Variants in FAM184B observed in about 807,000 individuals in gnomAD.
FAM184B encodes protein FAM184B.
FAM184B carries 111 observed loss-of-function variants against 135.9 expected under a neutral mutation model. The ratio of observed to expected loss-of-function variants is 0.82; its 90% CI spans 0.70 to 0.96. The LOEUF (loss-of-function observed/expected upper bound fraction) is 0.96, where lower values mean the gene tolerates loss of function less well. Ranked by LOEUF, FAM184B falls within the 40% of genes least tolerant of loss-of-function variation. The probability of loss-of-function intolerance (pLI) is 0.00; values close to 1 mark genes in which losing one functional copy is unlikely to be tolerated. For synonymous variants in FAM184B, 552 were observed against 524.8 expected (o/e 1.05, Z -0.71); for missense variants, 1,375 against 1,323.9 (o/e 1.04, Z -0.60).
chr4:17,741,460 G>A (rs1342276980), intron 1 of FAM184B, among the ~76,000 whole-genome samples: 1 of 152,132 alleles, frequency 6.6e-6, no homozygotes, highest in Non-Finnish European at 1.5e-5. Context: ...TTGGGAGGCC[G>A]AGGCAGGTGG....
In FAM184B at chr4:17,781,594, A is replaced by T. The variant is rs1445376662; in HGVS notation, c.-295T>A. 4 of 362,148 alleles carry T rather than the reference A, an allele frequency of 1.1e-5. No homozygotes were observed. Among genetic ancestry groups the T allele is most frequent in the Non-Finnish European group, 2.0e-5 (4 of 201,368 alleles). 22.4% of individuals were successfully genotyped at this position (362,148 alleles called of 1,614,324 possible). ...CACGTGCCGCTGGCGATCAGTCTGC[A>T]GTTCCCCAGCCAGTGCAGGTTTCGT... On this transcript the variant is annotated 5_prime_UTR_variant, in exon 1 of 18. Transcript: ENST00000265018. The surrounding 1 kb of genome is among the most constrained non-coding windows in gnomAD (Gnocchi z 6.5).
At chr4:17,664,730 C>T (rs983670138) in intron 7 of FAM184B, 71 bp from the exon 8 acceptor site, 2 of 1,273,894 alleles carry the variant, frequency 1.6e-6, no homozygotes, top group Non-Finnish European at 2.2e-6. Context: ...CATGATTCAA[C>T]CTGTGGCTTA....
At chr4:17,639,446 C>G (rs777579561) in intron 13 of FAM184B, 50 bp from the exon 14 acceptor site, 33 of 1,542,544 alleles carry the variant, frequency 2.1e-5, no homozygotes, top group African/African-American at 4.1e-5. Context: ...AGGGATGGCA[C>G]CCCTTGGGCT....
intron 1 of FAM184B, among the ~76,000 whole-genome samples, chr4:17,766,393 T>C (rs192225556): frequency 4.3e-4 from 66 of 152,278 alleles, no homozygotes; most frequent in African/African-American, 1.5e-3. Flanking sequence ...TGCTGATTGG[T>C]GTATTTATAA....
rs189172913 is a variant in FAM184B at position 17,748,494 on chromosome 4, C to T, written c.141+32665G>A. 2.3e-4 allele frequency among the ~76,000 whole-genome samples: 34 copies of T among 145,052 alleles called. No individual in the cohort carries two copies. The East Asian group carries it at 6.4e-3, about 27-fold the overall frequency. On this transcript the variant is annotated intron_variant, in intron 1 of 17. Coordinates refer to ENST00000265018, the MANE Select transcript of FAM184B (RefSeq NM_015688.2). ...ACATGACTTTGTCCCTTACTTTAATCCTCTTGTGTAATTTTTTTTTTTTTT... is the reference window on the plus strand; with the variant it reads ...ACATGACTTTGTCCCTTACTTTAATTCTCTTGTGTAATTTTTTTTTTTTTT...
intron 1 of FAM184B, among the ~76,000 whole-genome samples, chr4:17,729,438 G>C (rs1249996907): frequency 6.6e-6 from 1 of 152,232 alleles, no homozygotes; most frequent in African/African-American, 2.4e-5. Flanking sequence ...CTGAGAACGG[G>C]CAGACTGCCT....
intron 1 of FAM184B, among the ~76,000 whole-genome samples, chr4:17,765,957 T>C (rs1016972452): frequency 6.6e-6 from 1 of 152,104 alleles, no homozygotes; most frequent in Non-Finnish European, 1.5e-5. Flanking sequence ...ACTCCTTCCT[T>C]CTGTCCGGGG....
At chr4:17,747,440 G>A (rs1009971696) in intron 1 of FAM184B, among the ~76,000 whole-genome samples, 3 of 152,070 alleles carry the variant, frequency 2.0e-5, no homozygotes, top group African/African-American at 7.2e-5. Flanking sequence ...GTAGAGGTTG[G>A]TACTTCCGAA....
rs55801096 is a variant in FAM184B, at chr4:17,740,351, C to CAAAA, written c.142-30711_142-30708dup. On this transcript the variant is annotated intron_variant, in intron 1 of 17. Coordinates refer to ENST00000265018, the MANE Select transcript of FAM184B (RefSeq NM_015688.2). ...TGGGCGACAGAGTAAGACCCTGTCTCAAAAAAAAAAAAAAAAAAAAAAGTC... is the reference window on the plus strand; with the variant it reads ...TGGGCGACAGAGTAAGACCCTGTCTCAAAAAAAAAAAAAAAAAAAAAAAAAAGTC... Among the ~76,000 whole-genome samples, 298 of 84,416 alleles carry CAAAA rather than the reference C, an allele frequency of 3.5e-3. 11 individuals carry two copies. The highest frequency in any genetic ancestry group is 0.013 in the African/African-American group (267 of 19,798). The allele number at this position is 84,416 out of a possible 152,430, so 55.4% of individuals were successfully genotyped here. A position where few individuals can be genotyped will look rare whatever the true frequency, so the allele number is the denominator to read the frequency against.
intron 5 of FAM184B, among the ~76,000 whole-genome samples, chr4:17,703,736 A>C (rs1014654465): frequency 2.0e-5 from 3 of 151,966 alleles, no homozygotes; most frequent in Admixed American, 2.0e-4. Flanking sequence ...ATCTAGACCA[A>C]CCTGGCCAAC....
intron 7 of FAM184B, among the ~76,000 whole-genome samples, chr4:17,674,692 C>G (rs1008682829): frequency 2.0e-5 from 3 of 152,192 alleles, no homozygotes; most frequent in African/African-American, 7.2e-5. Context: ...TGTCACTGAT[C>G]TATTAACTAA....
chr4:17,673,257 TA>T, intron 7 of FAM184B, among the ~76,000 whole-genome samples: 1 of 151,816 alleles, frequency 6.6e-6, no homozygotes, highest in Middle Eastern at 3.4e-3. Flanking sequence ...GAATGGCCAT[TA>T]AAAAAATAGA....
chr4:17,748,103 GAAA>G (rs58795222), intron 1 of FAM184B, among the ~76,000 whole-genome samples: 1 of 70,320 alleles, frequency 1.4e-5, no homozygotes, highest in Non-Finnish European at 2.5e-5. Context: ...GACTCCGTCT[GAAA>G]AAAAAAAAAA....
intron 1 of FAM184B, among the ~76,000 whole-genome samples, chr4:17,717,038 T>C (rs1450046070): frequency 6.6e-6 from 1 of 152,152 alleles, no homozygotes; most frequent in Non-Finnish European, 1.5e-5. Context: ...CTAGATCTTC[T>C]GACTTCAGGT....
chr4:17,690,017 G>A (rs13119927), intron 6 of FAM184B, among the ~76,000 whole-genome samples: 54,272 of 151,564 alleles, frequency 0.36, 9,959 homozygotes, highest in South Asian at 0.43. Context: ...GCCTGTTGGT[G>A]CGTGCCTGTA....
intron 1 of FAM184B, among the ~76,000 whole-genome samples, chr4:17,740,834 C>T (rs979713796): frequency 1.3e-5 from 2 of 152,146 alleles, no homozygotes; most frequent in African/African-American, 4.8e-5. Context: ...TTTCTTTTTC[C>T]ATCACAACAG....
intron 1 of FAM184B, among the ~76,000 whole-genome samples, chr4:17,712,306 T>C (rs977561365): frequency 2.6e-5 from 4 of 151,654 alleles, no homozygotes; most frequent in Admixed American, 1.3e-4. Flanking sequence ...GATAAGGGGG[T>C]CAAAGACTGA....
At chr4:17,724,029 A>G (rs983141755) in intron 1 of FAM184B, among the ~76,000 whole-genome samples, 2 of 151,954 alleles carry the variant, frequency 1.3e-5, no homozygotes, top group Non-Finnish European at 2.9e-5. Flanking sequence ...CCACTATACA[A>G]TGTATCCATG....
At chr4:17,679,398 G>T (rs915504816) in intron 7 of FAM184B, among the ~76,000 whole-genome samples, 1 of 152,042 alleles carries the variant, frequency 6.6e-6, no homozygotes, top group Non-Finnish European at 1.5e-5. Context: ...ATATACAAAT[G>T]GTAAACAAAC....
Sources: gnomAD v4.1 joint callset for allele counts (sites outside exome capture counted in the v4.1 genomes callset) on GRCh38, gnomAD v4.1.1 for gene constraint, Gnocchi (gnomAD v3.1) non-coding constraint, MANE v1.5 for transcripts, NCBI Gene and HGNC (gene_info 2026-07-23, HGNC 2026-07-21) for gene names.